TRPM3: variants seen among roughly 807,000 people sequenced by gnomAD.
TRPM3 encodes the protein transient receptor potential cation channel subfamily M member 3.
TRPM3 carries 77 observed loss-of-function variants against 181.2 expected under a neutral mutation model. The observed-to-expected ratio is 0.42, with a 90% CI of 0.35 to 0.51. The LOEUF (loss-of-function observed/expected upper bound fraction) is 0.51, where lower values mean the gene tolerates loss of function less well. Among genes scored for constraint, TRPM3 ranks in the 20% least tolerant of loss-of-function variants. The pLI is 0.01. For synonymous variants in TRPM3, 745 were observed against 796.4 expected (o/e 0.94, Z 1.09); for missense variants, 1,759 against 2,196.7 (o/e 0.80, Z 3.98).
intron 22 of TRPM3, among the ~76,000 whole-genome samples, chr9:70,581,563 C>T (rs942524648): frequency 1.3e-5 from 2 of 152,236 alleles, no homozygotes; most frequent in Non-Finnish European, 2.9e-5. Context: ...TAATAGTTAG[C>T]CTGTGTGGAG....
At chr9:70,848,491 T>C (rs752794392) in intron 3 of TRPM3, among the ~76,000 whole-genome samples, 1 of 152,126 alleles carries the variant, frequency 6.6e-6, no homozygotes, top group East Asian at 1.9e-4. Context: ...GAAAGTTCAG[T>C]GAATTCTAAG....
intron 1 of TRPM3, among the ~76,000 whole-genome samples, chr9:71,202,164 G>A (rs530873398): frequency 6.6e-6 from 1 of 152,300 alleles, no homozygotes; most frequent in African/African-American, 2.4e-5. Flanking sequence ...AACCGCAAAT[G>A]CTGCTGTCTG....
chr9:71,207,471 C>T (rs2079193865), intron 1 of TRPM3, among the ~76,000 whole-genome samples: 1 of 152,062 alleles, frequency 6.6e-6, no homozygotes, highest in Admixed American at 6.6e-5. Flanking sequence ...AATTAAAGAA[C>T]ATCTTGAGAT....
At chr9:71,443,880 C>G (rs1014282134) in intron 1 of TRPM3, among the ~76,000 whole-genome samples, 1 of 152,022 alleles carries the variant, frequency 6.6e-6, no homozygotes, top group Non-Finnish European at 1.5e-5. Flanking sequence ...TGCTTTGTTG[C>G]TAGTGAAAAT....
chr9:71,446,654 G>C (rs1055202475), exon 1 of TRPM3: 12 of 1,549,906 alleles, frequency 7.7e-6, no homozygotes, highest in Admixed American at 2.0e-5. Flanking sequence ...GCCACTCACC[G>C]GCGTCTGCTG....
At chr9:71,137,134 G>T (rs778785306) in intron 1 of TRPM3, among the ~76,000 whole-genome samples, 1 of 152,142 alleles carries the variant, frequency 6.6e-6, no homozygotes, top group Non-Finnish European at 1.5e-5. Context: ...GACACTCCAA[G>T]GGTGTGCTTA....
At chr9:70,974,861 CAA>C (rs1194611924) in intron 1 of TRPM3, among the ~76,000 whole-genome samples, 7 of 116,908 alleles carry the variant, frequency 6.0e-5, no homozygotes, top group African/African-American at 2.2e-4. Flanking sequence ...GATGGAACAT[CAA>C]TTTTTTTTTT....
At chr9:71,304,414 T>C (rs1354013076) in intron 1 of TRPM3, among the ~76,000 whole-genome samples, 2 of 152,136 alleles carry the variant, frequency 1.3e-5, no homozygotes, top group Admixed American at 1.3e-4. Context: ...GATGAGAAGT[T>C]GGTAATGTAA....
chr9:70,785,084 G>C (rs2083319945), intron 6 of TRPM3, among the ~76,000 whole-genome samples: 2 of 152,178 alleles, frequency 1.3e-5, no homozygotes, highest in African/African-American at 4.8e-5. Context: ...TTACCCAGGA[G>C]ATATGGTATC....
intron 6 of TRPM3, among the ~76,000 whole-genome samples, chr9:70,808,155 C>T (rs903528086): frequency 6.6e-6 from 1 of 152,162 alleles, no homozygotes; most frequent in Non-Finnish European, 1.5e-5. Flanking sequence ...ATCAAGATAA[C>T]AGGTTCCTAT....
intron 1 of TRPM3, among the ~76,000 whole-genome samples, chr9:71,210,466 C>A (rs2079420402): frequency 6.6e-6 from 1 of 152,180 alleles, no homozygotes; most frequent in Admixed American, 6.5e-5. Flanking sequence ...AACTATCTTT[C>A]ACAAAACCGG....
intron 9 of TRPM3, among the ~76,000 whole-genome samples, chr9:70,667,022 A>C (rs1462962854): frequency 6.6e-6 from 1 of 150,568 alleles, no homozygotes; most frequent in Admixed American, 6.6e-5. Context: ...ATTTTCTTTG[A>C]TTTCTCTGAG....
intron 1 of TRPM3, among the ~76,000 whole-genome samples, chr9:70,870,159 G>A (rs778188705): frequency 3.0e-4 from 45 of 151,954 alleles, no homozygotes; most frequent in African/African-American, 1.0e-3. Context: ...CGCCTAGTAC[G>A]TGTCATGTGG....
At chr9:71,387,024 T>TAC (rs1206472603) in intron 1 of TRPM3, among the ~76,000 whole-genome samples, 1 of 152,088 alleles carries the variant, frequency 6.6e-6, no homozygotes, top group Non-Finnish European at 1.5e-5. Flanking sequence ...TGATGGTTCT[T>TAC]ACACTTATTA....
intron 1 of TRPM3, among the ~76,000 whole-genome samples, chr9:71,297,207 A>G (rs554040288): frequency 2.0e-5 from 3 of 152,072 alleles, no homozygotes; most frequent in Admixed American, 2.0e-4. Flanking sequence ...ATTACTTCTC[A>G]GTATCTCCAG....
intron 1 of TRPM3, among the ~76,000 whole-genome samples, chr9:71,371,006 C>T (rs2092492331): frequency 6.6e-6 from 1 of 151,734 alleles, no homozygotes; most frequent in South Asian, 2.1e-4. Context: ...GGTGGCAGTA[C>T]ATCTGTTTAC....
At chr9:71,254,300 C>A (rs536067253) in intron 1 of TRPM3, among the ~76,000 whole-genome samples, 2 of 152,258 alleles carry the variant, frequency 1.3e-5, no homozygotes, top group East Asian at 3.9e-4. Context: ...AATCTAAAAA[C>A]ATTGAATTCA....
intron 1 of TRPM3, among the ~76,000 whole-genome samples, chr9:71,370,984 A>G (rs1160050285): frequency 6.6e-6 from 1 of 152,208 alleles, no homozygotes; most frequent in African/African-American, 2.4e-5. Flanking sequence ...ACAAATGGAA[A>G]AGCAAAGCCT....
chr9:70,741,453 C>G (rs1286141433), intron 8 of TRPM3, among the ~76,000 whole-genome samples: 1 of 152,038 alleles, frequency 6.6e-6, no homozygotes, highest in Non-Finnish European at 1.5e-5. Context: ...CTATTTGATC[C>G]AGGAATCACA....
Sources: allele counts gnomAD v4.1 joint callset (sites outside exome capture counted in the v4.1 genomes callset), GRCh38; gene constraint gnomAD v4.1.1; transcripts MANE v1.5; gene names NCBI Gene and HGNC (gene_info 2026-07-23, HGNC 2026-07-21).